The following SGCD variants were observed in gnomAD, a reference collection of about 807,000 sequenced individuals.
The protein encoded by SGCD is delta-sarcoglycan.
A neutral mutation model predicts 36.6 loss-of-function variants in SGCD; 18 were observed. The observed-to-expected ratio is 0.49, with a 90% CI of 0.34 to 0.73. The LOEUF is 0.73. SGCD is among the 30% of genes least tolerant of loss of function. SGCD has a pLI of 0.01. For missense variants in SGCD, 387 were observed against 346.7 expected (o/e 1.12, Z -0.92); for synonymous variants, 133 against 130.6 (o/e 1.02, Z -0.12).
chr5:156,603,599 T>C (rs537033258), intron 6 of SGCD, among the ~76,000 whole-genome samples: 1 of 152,092 alleles, frequency 6.6e-6, no homozygotes, highest in South Asian at 2.1e-4. Context: ...GTCTCAGGCT[T>C]TGGCATGATG....
At chr5:156,690,272 C>T (rs1754059783) in intron 7 of SGCD, among the ~76,000 whole-genome samples, 1 of 152,152 alleles carries the variant, frequency 6.6e-6, no homozygotes, top group African/African-American at 2.4e-5. Flanking sequence ...ACCCAGGCAG[C>T]CTACTGAGCC....
At chr5:155,803,320 A>G in the SGCD span, among the ~76,000 whole-genome samples, 5 of 152,248 alleles carry the variant, frequency 3.3e-5, no homozygotes, top group African/African-American at 1.2e-4. Flanking sequence ...GAGATGCCGG[A>G]GTCATCAGAC....
At chr5:156,156,123 TAA>T (rs1762956832) in intron 3 of SGCD, among the ~76,000 whole-genome samples, 1 of 151,716 alleles carries the variant, frequency 6.6e-6, no homozygotes, top group Admixed American at 6.6e-5. Context: ...GTAAGAATCA[TAA>T]GCCTCTCAGA....
chr5:156,744,689 T>C (rs1222261362), intron 7 of SGCD, among the ~76,000 whole-genome samples: 1 of 152,230 alleles, frequency 6.6e-6, no homozygotes. Context: ...TTCATAGATG[T>C]TATCTTTCTC....
At chr5:156,023,338 G>T (rs371356188) in intron 1 of SGCD, among the ~76,000 whole-genome samples, 7 of 103,864 alleles carry the variant, frequency 6.7e-5, no homozygotes, top group African/African-American at 1.9e-4. Context: ...CCCCCATGTT[G>T]CCATGAACTG....
chr5:156,757,624 G>A lies in SGCD; in HGVS notation c.619G>A (p.Gly207Arg), dbSNP rs1368320636. 1 of 1,611,806 alleles carries A rather than the reference G, an allele frequency of 6.2e-7. No individual in the cohort carries two copies. Among genetic ancestry groups the A allele is most frequent in the Non-Finnish European group, 8.5e-7 (1 of 1,179,004 alleles). The change falls in exon 8 of 9, where the codon GGA (glycine) becomes AGA (arginine). Residue 207 changes from glycine to arginine, a missense_variant. Coordinates refer to ENST00000337851, the MANE Select transcript of SGCD (RefSeq NM_000337.6). ...TRSLVMEAPK[G>R]VEINAEAGNM... ...GTCTCTAGTGATGGAGGCCCCAAAA[G>A]GAGTGGAAATCAATGCAGAAGCTGG...
At chr5:156,577,659 T>C (rs1180359737) in intron 4 of SGCD, among the ~76,000 whole-genome samples, 1 of 152,230 alleles carries the variant, frequency 6.6e-6, no homozygotes, top group East Asian at 1.9e-4. Flanking sequence ...TTTCTAGGTA[T>C]TTTATTCCCT....
At chr5:156,547,432 A>G (rs1758621353) in intron 4 of SGCD, among the ~76,000 whole-genome samples, 1 of 147,700 alleles carries the variant, frequency 6.8e-6, no homozygotes, top group African/African-American at 2.6e-5. Flanking sequence ...AGAAGAAATG[A>G]TAATATGACT....
chr5:156,508,523 C>G, intron 3 of SGCD, 78 bp from the exon 4 acceptor site: 1 of 786,872 alleles, frequency 1.3e-6, no homozygotes, highest in African/African-American at 1.8e-5. Context: ...AAGGCTATAA[C>G]TACGTTTTTT....
At chr5:156,474,076 A>C (rs374600007) in intron 3 of SGCD, among the ~76,000 whole-genome samples, 1 of 151,764 alleles carries the variant, frequency 6.6e-6, no homozygotes, top group South Asian at 2.1e-4. Context: ...GAGGGAGAGC[A>C]CTTTGTCTCC....
intron 1 of SGCD, among the ~76,000 whole-genome samples, chr5:155,888,731 A>T (rs1371770872): frequency 6.6e-6 from 1 of 152,238 alleles, no homozygotes; most frequent in Non-Finnish European, 1.5e-5. Context: ...AAGAAAAGGC[A>T]TCTCTTGAAT....
intron 3 of SGCD, among the ~76,000 whole-genome samples, chr5:156,221,443 C>T (rs532266742): frequency 5.3e-5 from 8 of 152,138 alleles, no homozygotes; most frequent in Admixed American, 3.9e-4. Context: ...AACTTAGCTT[C>T]GCTATTCCTG....
At chr5:156,451,539 C>A (rs766813833) in intron 3 of SGCD, among the ~76,000 whole-genome samples, 25 of 152,256 alleles carry the variant, frequency 1.6e-4, no homozygotes, top group Admixed American at 3.9e-4. Flanking sequence ...AGAATGGAAT[C>A]ATAAAAGTAG....
At chr5:156,523,344 T>C (rs1461559679) in intron 4 of SGCD, among the ~76,000 whole-genome samples, 1 of 152,192 alleles carries the variant, frequency 6.6e-6, no homozygotes, top group Non-Finnish European at 1.5e-5. Flanking sequence ...ATGAGAAGAT[T>C]CATAAGCACT....
chr5:156,193,639 T>G lies in SGCD; in HGVS notation c.-44+69620T>G, dbSNP rs374330300. Among the ~76,000 whole-genome samples, 18 of 152,250 alleles carry G rather than the reference T, an allele frequency of 1.2e-4. No individual in the cohort carries two copies. In the East Asian group the frequency reaches 2.1e-3, roughly 18 times the overall value. On this transcript the variant is annotated intron_variant, in intron 3 of 9. Coordinates refer to the SGCD transcript ENST00000517913. ...CTAGCTTCCACGTCTTGTTACAGGA[T>G]TCTCCTTTGACCGAAAGGCCAATAC...
intron 1 of SGCD, among the ~76,000 whole-genome samples, chr5:155,875,226 A>G (rs1394643371): frequency 6.6e-6 from 1 of 152,138 alleles, no homozygotes; most frequent in Non-Finnish European, 1.5e-5. Flanking sequence ...GTAACATGTC[A>G]TGTCAGTGGT....
chr5:156,213,395 C>A (rs1390797888), intron 3 of SGCD, among the ~76,000 whole-genome samples: 3 of 151,934 alleles, frequency 2.0e-5, no homozygotes, highest in African/African-American at 7.2e-5. Context: ...AAGAAACATA[C>A]AACCTACCAT....
the SGCD span, among the ~76,000 whole-genome samples, chr5:155,735,440 A>G: frequency 6.6e-6 from 1 of 152,206 alleles, no homozygotes; most frequent in East Asian, 1.9e-4. Context: ...AACCAAGGTT[A>G]GAGATAATCT....
the SGCD span, among the ~76,000 whole-genome samples, chr5:155,738,778 ATG>A: frequency 0.086 from 11,956 of 139,782 alleles, 553 homozygotes; most frequent in African/African-American, 0.13. Flanking sequence ...GTGTGAGAGA[ATG>A]TGTGTGAGTG....
Sources: allele counts gnomAD v4.1 joint callset (sites outside exome capture counted in the v4.1 genomes callset), GRCh38; gene constraint gnomAD v4.1.1; transcripts MANE v1.5; gene names NCBI Gene and HGNC (gene_info 2026-07-23, HGNC 2026-07-21).